The following TMCC3 variants were observed in gnomAD, a reference collection of about 807,000 sequenced individuals.
TMCC3 encodes transmembrane and coiled-coil domain protein 3.
In TMCC3, 28 loss-of-function variants were observed where a neutral mutation model predicts 40.2. The observed-to-expected ratio is 0.70, with a 90% CI of 0.52 to 0.95. The LOEUF is 0.95. TMCC3 is among the 40% of genes least tolerant of loss of function. TMCC3 has a pLI of 0.00. For missense variants in TMCC3, 554 were observed against 615.2 expected (o/e 0.90, Z 1.05); for synonymous variants, 255 against 248.5 (o/e 1.03, Z -0.25).
chr12:94,599,564 C>A (rs201664211), intron 1 of TMCC3, among the ~76,000 whole-genome samples: 9 of 139,370 alleles, frequency 6.5e-5, no homozygotes, highest in East Asian at 2.1e-4. Context: ...ATACCCCCCC[C>A]CCCGCCCACA....
At chr12:94,587,481 C>T (rs2068645190) in intron 1 of TMCC3, among the ~76,000 whole-genome samples, 1 of 152,192 alleles carries the variant, frequency 6.6e-6, no homozygotes, top group Admixed American at 6.5e-5. Context: ...CTTGGCACCA[C>T]TCTTAAGAGC....
intron 1 of TMCC3, among the ~76,000 whole-genome samples, chr12:94,638,987 T>C (rs1290209061): frequency 2.4e-5 from 3 of 125,368 alleles, no homozygotes; most frequent in Admixed American, 7.8e-5. Context: ...TTAATTAGGT[T>C]CAACTTTACT....
chr12:94,569,537 G>T lies in TMCC3; in HGVS notation c.*1898C>A, dbSNP rs1003918289. 6.6e-6 allele frequency: 1 copy of T among 152,054 alleles called. No homozygotes were observed. The highest frequency in any genetic ancestry group is 1.5e-5 in the Non-Finnish European group (1 of 68,010). The allele number at this position is 152,054 out of a possible 1,614,324, so 9.4% of individuals were successfully genotyped here. The stretch of plus-strand genomic sequence containing the variant: ...GAATCCAAAATACTTTATCACCAAA[G>T]ATTTCATGAAATGACATTTATTGTT... On this transcript the variant is annotated 3_prime_UTR_variant, in exon 4 of 4. Coordinates refer to ENST00000261226, the MANE Select transcript of TMCC3 (RefSeq NM_020698.4).
intron 1 of TMCC3, among the ~76,000 whole-genome samples, chr12:94,603,200 T>A (rs1366470768): frequency 2.0e-5 from 3 of 152,220 alleles, no homozygotes; most frequent in African/African-American, 7.2e-5. Flanking sequence ...TTCTCATGCC[T>A]CAGCTTCCCG....
intron 1 of TMCC3, chr12:94,644,334 G>A: frequency 4.1e-6 from 4 of 966,232 alleles, no homozygotes; most frequent in Non-Finnish European, 4.9e-6. Context: ...GCTGAAAGCT[G>A]CAGACTCTTC....
chr12:94,575,717 T>C (rs981963355), intron 3 of TMCC3, among the ~76,000 whole-genome samples: 2 of 152,186 alleles, frequency 1.3e-5, no homozygotes, highest in Non-Finnish European at 2.9e-5. Context: ...AAACCATGCA[T>C]TCAGATACCA....
chr12:94,636,657 G>T (rs2068962417), intron 1 of TMCC3, among the ~76,000 whole-genome samples: 1 of 152,232 alleles, frequency 6.6e-6, no homozygotes, highest in Non-Finnish European at 1.5e-5. Context: ...AACTAATCAG[G>T]TGAACTCCTT....
intron 1 of TMCC3, among the ~76,000 whole-genome samples, chr12:94,616,699 G>A (rs2068850089): frequency 6.6e-6 from 1 of 152,058 alleles, no homozygotes; most frequent in Non-Finnish European, 1.5e-5. Flanking sequence ...AAGGGGGAGG[G>A]GAAAAAGTCA....
intron 3 of TMCC3, among the ~76,000 whole-genome samples, chr12:94,572,306 CTT>C (rs527894810): frequency 1.0e-3 from 53 of 50,648 alleles, no homozygotes; most frequent in Admixed American, 7.4e-3. Context: ...CCGACTTCAT[CTT>C]TTTTTTTTTT....
intron 1 of TMCC3, among the ~76,000 whole-genome samples, chr12:94,610,756 G>A (rs2068811432): frequency 6.6e-6 from 1 of 152,156 alleles, no homozygotes; most frequent in Non-Finnish European, 1.5e-5. Context: ...CAAGACGCAG[G>A]GCTATGCCTA....
intron 1 of TMCC3, among the ~76,000 whole-genome samples, chr12:94,632,543 A>G (rs1187404076): frequency 6.6e-6 from 1 of 152,216 alleles, no homozygotes; most frequent in Non-Finnish European, 1.5e-5. Flanking sequence ...AAAAATCACT[A>G]CTGTAAGTAC....
chr12:94,632,748 A>C (rs894491698), intron 1 of TMCC3, among the ~76,000 whole-genome samples: 1 of 152,222 alleles, frequency 6.6e-6, no homozygotes, highest in Non-Finnish European at 1.5e-5. Flanking sequence ...CTCTGGTTTT[A>C]TTCATGTAGC....
intron 1 of TMCC3, among the ~76,000 whole-genome samples, chr12:94,592,262 G>T (rs1423366431): frequency 6.6e-6 from 1 of 152,106 alleles, no homozygotes; most frequent in Non-Finnish European, 1.5e-5. Context: ...TGAGTCAATA[G>T]TTTTGCCATA....
chr12:94,582,238 C>A lies in TMCC3; in HGVS notation c.379G>T (p.Ala127Ser), dbSNP rs1199267938. The change falls in exon 2 of 4, where the codon GCC becomes TCC. Residue 127 changes from alanine (A) to serine (S), a missense_variant. By Grantham distance (99) the Ala-to-Ser change is moderately conservative. Coordinates refer to ENST00000261226, the MANE Select transcript of TMCC3 (RefSeq NM_020698.4). ...KKNQKSAHSI[A>S]QLQKKLEQYH... ...TGCTCTAACTTCTTCTGCAGCTGGGCGATGGAGTGAGCTGATTTCTGATTC... is the reference window on the plus strand; with the variant it reads ...TGCTCTAACTTCTTCTGCAGCTGGGAGATGGAGTGAGCTGATTTCTGATTC... The A allele has an allele frequency of 6.2e-7, 1 of 1,614,120 alleles. No individual in the cohort carries two copies. Among genetic ancestry groups the A allele is most frequent in the Non-Finnish European group, 8.5e-7 (1 of 1,180,038 alleles).
intron 1 of TMCC3, among the ~76,000 whole-genome samples, chr12:94,624,249 T>A (rs1480118211): frequency 1.3e-5 from 2 of 152,134 alleles, no homozygotes; most frequent in Non-Finnish European, 2.9e-5. Flanking sequence ...TAAACAGAAT[T>A]ACCATATGAC....
intron 3 of TMCC3, among the ~76,000 whole-genome samples, chr12:94,573,944 C>G (rs2138815924): frequency 6.6e-6 from 1 of 152,324 alleles, no homozygotes; most frequent in Middle Eastern, 3.4e-3. Flanking sequence ...AGCTCTCCTC[C>G]CCAACCACAA....
intron 1 of TMCC3, among the ~76,000 whole-genome samples, chr12:94,604,803 CAAAAAAAAAAAA>C (rs11400128): frequency 3.8e-5 from 2 of 53,320 alleles, no homozygotes; most frequent in Admixed American, 2.8e-4. Flanking sequence ...GACTTCATCT[CAAAAAAAAAAAA>C]AAAAAAAAAG....
intron 1 of TMCC3, among the ~76,000 whole-genome samples, chr12:94,600,580 T>G (rs1344399618): frequency 6.6e-6 from 1 of 152,178 alleles, no homozygotes; most frequent in African/African-American, 2.4e-5. Context: ...GTCTTCCTCC[T>G]TCCTTCACCA....
chr12:94,597,155 ATATG>A lies in TMCC3; in HGVS notation c.79-14621_79-14618del, dbSNP rs1220781609. On this transcript the variant is annotated intron_variant, in intron 1 of 3. Transcript: ENST00000261226. ...TATATATATATATATATATATATAT[ATATG>A]TATATAAATTAGCCAGGCCTGCTGG... Among the ~76,000 whole-genome samples, 89 of 14,338 alleles carry A rather than the reference ATATG, an allele frequency of 6.2e-3. 4 individuals are homozygous for A. The highest frequency in any genetic ancestry group is 0.014 in the South Asian group (7 of 490). 9.4% of individuals were successfully genotyped at this position (14,338 alleles called of 152,430 possible).
Sources: allele counts gnomAD v4.1 joint callset (sites outside exome capture counted in the v4.1 genomes callset), GRCh38; gene constraint gnomAD v4.1.1; transcripts MANE v1.5; gene names NCBI Gene and HGNC (gene_info 2026-07-23, HGNC 2026-07-21).